The following HS6ST2 variants were observed in gnomAD, a reference collection of about 807,000 sequenced individuals.
The protein encoded by HS6ST2 is heparan sulfate 6-O-sulfotransferase 2.
In HS6ST2, 17 loss-of-function variants were observed where a neutral mutation model predicts 33.0. That is an observed-to-expected ratio of 0.52 (90% CI 0.35 to 0.77). HS6ST2 has a LOEUF of 0.77. Ranked by LOEUF, HS6ST2 falls within the 30% of genes least tolerant of loss-of-function variation. The pLI, the probability that HS6ST2 is intolerant of heterozygous loss-of-function variation, is 0.01. For synonymous variants in HS6ST2, 248 were observed against 237.1 expected (o/e 1.05, Z -0.42); for missense variants, 519 against 551.7 (o/e 0.94, Z 0.59).
At chrX:132,906,219 C>A (rs1186624901) in intron 2 of HS6ST2, among the ~76,000 whole-genome samples, 1 of 112,281 alleles carries the variant, frequency 8.9e-6, no homozygotes, top group African/African-American at 3.2e-5. Context: ...TTATAAACTT[C>A]AAAGAGGTCT....
rs781261590 is a variant in HS6ST2 at position 132,933,735 on chromosome X, A to C, written c.947+23073T>G. ...AGCAGTAAGAGAAAAGTGACCCATC[A>C]CACAGAGGAACCTCAATAACACTGA... On this transcript the variant is annotated intron_variant, in intron 2 of 4. Coordinates refer to ENST00000370833, the MANE Select transcript of HS6ST2 (RefSeq NM_001394073.1). Among the ~76,000 whole-genome samples the C allele has an allele frequency of 9.5e-4, 106 of 111,998 alleles. 1 individual carries two copies. Among genetic ancestry groups the C allele is most frequent in the African/African-American group, 3.3e-3 (101 of 30,874 alleles).
At chrX:132,636,899 CT>C (rs1047302933) in intron 4 of HS6ST2, among the ~76,000 whole-genome samples, 1 of 111,993 alleles carries the variant, frequency 8.9e-6, no homozygotes, top group Non-Finnish European at 1.9e-5. Flanking sequence ...TATACGTTAA[CT>C]CCCAACAATC....
intron 2 of HS6ST2, among the ~76,000 whole-genome samples, chrX:132,784,745 A>G (rs183674401): frequency 1.5e-4 from 17 of 112,122 alleles, no homozygotes; most frequent in Admixed American, 2.8e-4. Context: ...CTCAGCAGAC[A>G]CCAACCACAC....
intron 2 of HS6ST2, among the ~76,000 whole-genome samples, chrX:132,755,345 T>G (rs1042913047): frequency 8.9e-6 from 1 of 112,194 alleles, no homozygotes; most frequent in Non-Finnish European, 1.9e-5. Context: ...CCTTACTTTC[T>G]GGCAATACAA....
In HS6ST2 at chrX:132,867,416, A is replaced by G. The variant is rs1230935640; in HGVS notation, c.947+89392T>C. On this transcript the variant is annotated intron_variant, in intron 2 of 4. Coordinates refer to ENST00000370833, the MANE Select transcript of HS6ST2 (RefSeq NM_001394073.1). ...ATTGAGGATTTTTGCATCAATGTTCATCAAGGATATTGGTCTAAAATTCTC... is the reference window on the plus strand; with the variant it reads ...ATTGAGGATTTTTGCATCAATGTTCGTCAAGGATATTGGTCTAAAATTCTC... Among the ~76,000 whole-genome samples, 13 of 110,631 alleles carry G rather than the reference A, an allele frequency of 1.2e-4. No homozygotes were observed. The Admixed American group carries it at 1.3e-3, about 11-fold the overall frequency.
chrX:132,960,574 GGA>G (rs1367143386), upstream of HS6ST2, among the ~76,000 whole-genome samples: 1 of 108,908 alleles, frequency 9.2e-6, no homozygotes, highest in Non-Finnish European at 1.9e-5. Context: ...CAGTACGGGG[GGA>G]AAAGTCAGGT....
At chrX:132,934,252 C>T (rs1281153458) in intron 2 of HS6ST2, among the ~76,000 whole-genome samples, 1 of 111,343 alleles carries the variant, frequency 9.0e-6, no homozygotes, top group Admixed American at 9.5e-5. Context: ...CAAGGCTGTA[C>T]TGGAGTGAGG....
At chrX:132,714,315 C>A (rs1269138543) in intron 2 of HS6ST2, among the ~76,000 whole-genome samples, 1 of 110,333 alleles carries the variant, frequency 9.1e-6, no homozygotes, top group East Asian at 2.9e-4. Context: ...GGTCCCTGTT[C>A]ATGATAACAT....
chrX:132,762,992 TGA>T (rs1284788316), intron 2 of HS6ST2, among the ~76,000 whole-genome samples: 1 of 112,113 alleles, frequency 8.9e-6, no homozygotes, highest in African/African-American at 3.2e-5. Context: ...AAAATGCCGA[TGA>T]CAATAATGAT....
chrX:132,744,414 G>A (rs1385835561), intron 2 of HS6ST2, among the ~76,000 whole-genome samples: 13 of 111,763 alleles, frequency 1.2e-4, no homozygotes, highest in Non-Finnish European at 2.4e-4. Context: ...TGATGAGGAA[G>A]AAGATTCACC....
intron 2 of HS6ST2, among the ~76,000 whole-genome samples, chrX:132,760,224 A>C (rs777018267): frequency 3.6e-5 from 4 of 110,740 alleles, no homozygotes; most frequent in Non-Finnish European, 7.6e-5. Flanking sequence ...GGCCAGGGAG[A>C]GAGTAGATGA....
chrX:132,650,083 C>T (rs955720966), intron 4 of HS6ST2, among the ~76,000 whole-genome samples: 3 of 111,485 alleles, frequency 2.7e-5, no homozygotes, highest in East Asian at 5.6e-4. Flanking sequence ...AGAGGACTTG[C>T]CCTCCTTCCA....
At chrX:132,646,301 G>A (rs1025412231) in intron 4 of HS6ST2, among the ~76,000 whole-genome samples, 1 of 111,007 alleles carries the variant, frequency 9.0e-6, no homozygotes, top group Non-Finnish European at 1.9e-5. Context: ...GATGATAGGA[G>A]ATAAGGAGTA....
chrX:132,787,184 TATAC>T (rs1484293724), intron 2 of HS6ST2, among the ~76,000 whole-genome samples: 850 of 79,556 alleles, frequency 0.011, 31 homozygotes, highest in African/African-American at 0.038. Flanking sequence ...TATATATATA[TATAC>T]ATATATATAT....
intron 2 of HS6ST2, among the ~76,000 whole-genome samples, chrX:132,893,660 G>A (rs775299470): frequency 1.8e-5 from 2 of 111,757 alleles, no homozygotes; most frequent in East Asian, 5.7e-4. Flanking sequence ...ATTCACCCAG[G>A]AGCTAGGTGG....
rs146281942 is a variant in HS6ST2, at chrX:132,764,223, A to G, written c.948-55729T>C. Among the ~76,000 whole-genome samples the G allele has an allele frequency of 2.2e-3, 247 of 112,494 alleles. 1 individual carries two copies. Among genetic ancestry groups the G allele is most frequent in the African/African-American group, 7.2e-3 (223 of 31,029 alleles). The stretch of plus-strand genomic sequence containing the variant: ...TTTCAACCTAGTTTGCTCCTTTTAT[A>G]AAAGGAAATGAAGTCCCAAAAGGGC... On this transcript the variant is annotated intron_variant, in intron 2 of 4. Transcript: ENST00000370833.
chrX:132,692,420 T>C (rs1020031190), intron 3 of HS6ST2, among the ~76,000 whole-genome samples: 5 of 111,236 alleles, frequency 4.5e-5, no homozygotes, highest in African/African-American at 1.6e-4. Flanking sequence ...GTTAAGCTAC[T>C]ATTATCTTTG....
intron 2 of HS6ST2, among the ~76,000 whole-genome samples, chrX:132,750,622 T>C (rs1396553320): frequency 9.0e-6 from 1 of 111,682 alleles, no homozygotes; most frequent in Non-Finnish European, 1.9e-5. Flanking sequence ...ATCACGTGGA[T>C]ATATATGTGT....
intron 2 of HS6ST2, among the ~76,000 whole-genome samples, chrX:132,845,764 C>A (rs1035474368): frequency 2.7e-5 from 3 of 111,429 alleles, no homozygotes; most frequent in Non-Finnish European, 5.7e-5. Context: ...TTAGCAGTCT[C>A]AAAAGCCCTC....
Sources: allele counts gnomAD v4.1 joint callset (sites outside exome capture counted in the v4.1 genomes callset), GRCh38; gene constraint gnomAD v4.1.1; transcripts MANE v1.5; gene names NCBI Gene and HGNC (gene_info 2026-07-23, HGNC 2026-07-21).